The following SLC45A1 variants were observed in gnomAD, a reference collection of about 807,000 sequenced individuals.
SLC45A1 encodes solute carrier family 45 member 1, also known as proton-associated sugar transporter A.
Under a neutral mutation model 57.6 loss-of-function variants are expected in SLC45A1, and 28 were observed. The ratio of observed to expected loss-of-function variants is 0.49; its 90% CI spans 0.36 to 0.67. SLC45A1 has a LOEUF of 0.67. Among genes scored for constraint, SLC45A1 ranks in the 30% least tolerant of loss-of-function variants. The probability of loss-of-function intolerance (pLI) is 0.00; values close to 1 mark genes in which losing one functional copy is unlikely to be tolerated. For missense variants in SLC45A1, 814 were observed against 1,041.5 expected (o/e 0.78, Z 3.01); for synonymous variants, 459 against 471.5 (o/e 0.97, Z 0.34).
chr1:8,331,832 G>A (rs148803921), intron 5 of SLC45A1, among the ~76,000 whole-genome samples: 3,830 of 146,238 alleles, frequency 0.026, 147 homozygotes, highest in African/African-American at 0.079. Flanking sequence ...TCACTCTGTC[G>A]CCCAGGCTGG....
chr1:8,334,531 T>C (rs1266396863), intron 5 of SLC45A1, among the ~76,000 whole-genome samples: 5 of 152,078 alleles, frequency 3.3e-5, no homozygotes, highest in Admixed American at 2.0e-4. Context: ...TGAGACCCCA[T>C]CTCTGTAACA....
Position 8,335,193 on chromosome 1 carries a change from CCA to C in SLC45A1, c.1444-240_1444-239del, listed in dbSNP as rs1640565620. ...CTGTGGCACAGATAGTGTCCTGTGG[CCA>C]CACTGTGGGCACACCTGAAATGGAA... On this transcript the variant is annotated intron_variant, in intron 5 of 8. Transcript: ENST00000471889. This position sits in a 1 kb window ranked among gnomAD's most constrained non-coding sequence, Gnocchi z 4.1. 6.6e-6 allele frequency among the ~76,000 whole-genome samples: 1 copy of C among 152,218 alleles called. No homozygotes were observed. The highest frequency in any genetic ancestry group is 1.5e-5 in the Non-Finnish European group (1 of 68,038).
intron 5 of SLC45A1, among the ~76,000 whole-genome samples, chr1:8,334,340 G>A: frequency 6.6e-6 from 1 of 152,238 alleles, no homozygotes; most frequent in East Asian, 1.9e-4. Flanking sequence ...AGCCGGCACT[G>A]CGGCCTCTCA....
intron 5 of SLC45A1, among the ~76,000 whole-genome samples, chr1:8,331,273 TA>T (rs1287832140): frequency 6.7e-6 from 1 of 149,506 alleles, no homozygotes; most frequent in African/African-American, 2.5e-5. Context: ...AAAACACTTT[TA>T]AAAAATATTT....
Position 8,325,949 on chromosome 1 carries a change from G to C in SLC45A1, c.622G>C (p.Asp208His). ...CGVVLMDFSA[D>H]SADNPSHAYM... ...TGTGGTGCTGATGGACTTTAGCGCC[G>C]ACTCGGCGGACAACCCCAGCCACGC... Residue 208 changes from aspartate to histidine, a missense_variant, in exon 4 of 9, where the codon GAC (aspartate) becomes CAC (histidine). Transcript: ENST00000471889. This position sits in a 1 kb window ranked among gnomAD's most constrained non-coding sequence, Gnocchi z 6.3. The C allele has an allele frequency of 6.2e-7, 1 of 1,613,386 alleles. No individual in the cohort carries two copies. The highest frequency in any genetic ancestry group is 8.5e-7 in the Non-Finnish European group (1 of 1,180,018).
At chr1:8,319,212 G>A (rs891351699) in intron 1 of SLC45A1, among the ~76,000 whole-genome samples, 9 of 152,326 alleles carry the variant, frequency 5.9e-5, no homozygotes, top group South Asian at 4.1e-4. Context: ...CCCAGGAGGC[G>A]GAGGTTGCAG....
At chr1:8,333,726 C>T (rs769519223) in intron 5 of SLC45A1, among the ~76,000 whole-genome samples, 9 of 152,244 alleles carry the variant, frequency 5.9e-5, no homozygotes, top group African/African-American at 2.2e-4. Context: ...TGAGCCACCG[C>T]GCCCAGCCCT....
In SLC45A1 at chr1:8,320,657, G is replaced by GTC. The variant is rs559573564; in HGVS notation, c.-25+2489_-25+2490dup. Among the ~76,000 whole-genome samples, 275 of 137,934 alleles carry GTC rather than the reference G, an allele frequency of 2.0e-3. 3 individuals carry two copies. The Middle Eastern group carries it at 0.034, about 17-fold the overall frequency. 90.5% of individuals were successfully genotyped at this position (137,934 alleles called of 152,430 possible). A position where few individuals can be genotyped will look rare whatever the true frequency, so the allele number is the denominator to read the frequency against. On this transcript the variant is annotated intron_variant, in intron 1 of 8. Transcript: ENST00000471889. ...ACTCTGTCTGTCTGTCTGTCTGTCT[G>GTC]TCTCTCTCTCTCTCTCTCTGTTTCT...
Position 8,335,792 on chromosome 1 carries a change from CA to C in SLC45A1, c.1597+205del, listed in dbSNP as rs1307019693. 6.6e-6 allele frequency among the ~76,000 whole-genome samples: 1 copy of C among 152,182 alleles called. No homozygotes were observed. Among genetic ancestry groups the C allele is most frequent in the Non-Finnish European group, 1.5e-5 (1 of 68,022 alleles). On this transcript the variant is annotated intron_variant, in intron 6 of 8. Coordinates refer to ENST00000471889, the MANE Select transcript of SLC45A1 (RefSeq NM_001080397.3). The surrounding 1 kb of genome is among the most constrained non-coding windows in gnomAD (Gnocchi z 4.1). Reference sequence around the variant, plus strand: ...CCAGGGTGCCTGCCCTGCATAGCCCCAAACTAAACCAGGTGTCACCATTGAG... The same window carrying C: ...CCAGGGTGCCTGCCCTGCATAGCCCCAACTAAACCAGGTGTCACCATTGAG...
rs763910011 is a variant in SLC45A1, at chr1:8,330,293, G to A, written c.800G>A (p.Arg267Gln). 1.5e-5 allele frequency: 25 copies of A among 1,613,644 alleles called. No homozygotes were observed. In the East Asian group the frequency reaches 2.5e-4, roughly 16 times the overall value. Residue 267 changes from arginine (R) to glutamine (Q), a missense_variant, in exon 5 of 9, where the codon CGA becomes CAA. By Grantham distance (43) the Arg-to-Gln change is conservative. Coordinates refer to ENST00000471889, the MANE Select transcript of SLC45A1 (RefSeq NM_001080397.3). The surrounding 1 kb of genome is among the most constrained non-coding windows in gnomAD (Gnocchi z 8.4). ...GFGRALGGQL[R>Q]VIYLFTAVTL... ...GGGAGGGCCCTGGGGGGACAGCTCC[G>A]AGTCATTTACCTCTTCACTGCGGTC...
chr1:8,322,830 T>A (rs1344680774), intron 1 of SLC45A1, among the ~76,000 whole-genome samples: 1 of 152,168 alleles, frequency 6.6e-6, no homozygotes, highest in East Asian at 1.9e-4. Flanking sequence ...AGTCTGTTGC[T>A]TTTTTGTGGA....
chr1:8,326,345 C>CCGCATCT lies in SLC45A1; in HGVS notation c.715+307_715+313dup, dbSNP rs1173544778. Among the ~76,000 whole-genome samples the CCGCATCT allele has an allele frequency of 6.6e-6, 1 of 152,202 alleles. No individual in the cohort carries two copies. Among genetic ancestry groups the CCGCATCT allele is most frequent in the East Asian group, 1.9e-4 (1 of 5,208 alleles). On this transcript the variant is annotated intron_variant, in intron 4 of 8. Transcript: ENST00000471889. This position sits in a 1 kb window ranked among gnomAD's most constrained non-coding sequence, Gnocchi z 5.5. ...ACCACAAACACTGAATTAGCAAACA[C>CCGCATCT]CGCATCTCGCTCCTAGGAAAAATAC...
chr1:8,319,817 A>G (rs773026724), intron 1 of SLC45A1, among the ~76,000 whole-genome samples: 3 of 152,030 alleles, frequency 2.0e-5, no homozygotes, highest in Non-Finnish European at 4.4e-5. Context: ...CCTGGGTTCA[A>G]GCGATTCTCC....
Position 8,324,290 on chromosome 1 carries a change from C to A in SLC45A1, c.-24-16C>A. On this transcript the variant is annotated splice_polypyrimidine_tract_variant and intron_variant, in intron 1 of 8. Coordinates refer to ENST00000471889, the MANE Select transcript of SLC45A1 (RefSeq NM_001080397.3). ...GGCAAAAGTAACTGTGGCCTCCCCA[C>A]GGGCTTTCCTCACAGGGACGCCCAC... is the stretch of plus-strand genomic sequence containing the variant. The A allele has an allele frequency of 1.3e-6, 2 of 1,595,344 alleles. No individual in the cohort carries two copies. Among genetic ancestry groups the A allele is most frequent in the Non-Finnish European group, 1.7e-6 (2 of 1,169,592 alleles).
At position 8,343,647 on chromosome 1, in the gene SLC45A1, TGGGCCGCTCG is replaced by T. The variant is rs1272121847; in HGVS notation, c.1981-97_1981-88del. On this transcript the variant is annotated intron_variant, in intron 8 of 8. Coordinates refer to ENST00000471889, the MANE Select transcript of SLC45A1 (RefSeq NM_001080397.3). This position sits in a 1 kb window ranked among gnomAD's most constrained non-coding sequence, Gnocchi z 7.7. ...CTGAAAAATGTGAGGCCGCTGTGTGTGGGCCGCTCGGGCCTCCTGGGCTCGCAGGACACAC... is the reference window on the plus strand; with the variant it reads ...CTGAAAAATGTGAGGCCGCTGTGTGTGGCCTCCTGGGCTCGCAGGACACAC... The T allele has an allele frequency of 7.3e-7, 1 of 1,365,890 alleles. No homozygotes were observed. The highest frequency in any genetic ancestry group is 1.0e-6 in the Non-Finnish European group (1 of 998,698). The allele number at this position is 1,365,890 out of a possible 1,614,324, so 84.6% of individuals were successfully genotyped here.
At chr1:8,342,081 C>T (rs1395530918) in intron 8 of SLC45A1, among the ~76,000 whole-genome samples, 3 of 151,984 alleles carry the variant, frequency 2.0e-5, no homozygotes, top group Non-Finnish European at 4.4e-5. Context: ...GTGGCGGGCG[C>T]CTGTAGTCCC....
At chr1:8,333,338 T>C (rs11121165) in intron 5 of SLC45A1, among the ~76,000 whole-genome samples, 84,397 of 151,774 alleles carry the variant, frequency 0.56, 24,051 homozygotes, top group East Asian at 0.84. Context: ...GCTTTTACCA[T>C]GCTGCCCAGG....
rs1422256727 is a variant in SLC45A1 at position 8,324,677 on chromosome 1, C to T, written c.348C>T (p.Gly116=). The T allele has an allele frequency of 1.9e-6, 3 of 1,594,840 alleles. No individual in the cohort carries two copies. Among genetic ancestry groups the T allele is most frequent in the Admixed American group, 1.7e-5 (1 of 57,984 alleles). Residue 116 remains glycine, a synonymous_variant, in exon 2 of 9, where the codon GGC becomes GGT. Transcript: ENST00000471889. The part of the protein sequence containing the change: ...AYVTPVLLQM[G]LPDQLYSLVW... ...TGACCCCGGTGCTCCTGCAGATGGG[C>T]CTGCCCGACCAGCTCTACAGCCTGG...
intron 4 of SLC45A1, among the ~76,000 whole-genome samples, chr1:8,329,723 G>T (rs969819922): frequency 1.3e-5 from 2 of 152,212 alleles, no homozygotes; most frequent in Non-Finnish European, 2.9e-5. Flanking sequence ...GTGTGGGGAG[G>T]CAGGACCCAT....
Sources: allele counts gnomAD v4.1 joint callset (sites outside exome capture counted in the v4.1 genomes callset), GRCh38; gene constraint gnomAD v4.1.1; non-coding constraint Gnocchi (gnomAD v3.1); transcripts MANE v1.5; gene names NCBI Gene and HGNC (gene_info 2026-07-23, HGNC 2026-07-21).